The following CELF4 variants were observed in gnomAD, a reference collection of about 807,000 sequenced individuals.
The protein encoded by CELF4 is CUGBP Elav-like family member 4, also known as CUG-BP- and ETR-3-like factor 4.
CELF4 carries 18 observed loss-of-function variants against 59.9 expected under a neutral mutation model. The ratio of observed to expected loss-of-function variants is 0.30; its 90% CI spans 0.21 to 0.45. The LOEUF (loss-of-function observed/expected upper bound fraction) is 0.45, where lower values mean the gene tolerates loss of function less well. Among genes scored for constraint, CELF4 ranks in the 20% least tolerant of loss-of-function variants. The pLI is 1.00. For missense variants in CELF4, 456 were observed against 689.0 expected (o/e 0.66, Z 3.79); for synonymous variants, 261 against 267.1 (o/e 0.98, Z 0.22).
intron 1 of CELF4, among the ~76,000 whole-genome samples, chr18:37,542,725 T>C (rs2099978695): frequency 6.6e-6 from 1 of 152,232 alleles, no homozygotes; most frequent in Non-Finnish European, 1.5e-5. Flanking sequence ...ATTATGATTA[T>C]GATTATTATC....
chr18:37,376,584 G>A (rs1188419121), intron 2 of CELF4, among the ~76,000 whole-genome samples: 2 of 152,172 alleles, frequency 1.3e-5, no homozygotes, highest in Non-Finnish European at 2.9e-5. Flanking sequence ...CCCCAGGAAG[G>A]CCCCCCTCCA....
intron 1 of CELF4, among the ~76,000 whole-genome samples, chr18:37,542,726 GATT>G (rs1483764905): frequency 4.6e-5 from 7 of 152,228 alleles, no homozygotes; most frequent in South Asian, 2.1e-4. Context: ...TTATGATTAT[GATT>G]ATTATCATTA....
chr18:37,559,334 C>T (rs1356697175), intron 1 of CELF4, among the ~76,000 whole-genome samples: 1 of 152,098 alleles, frequency 6.6e-6, no homozygotes, highest in African/African-American at 2.4e-5. Context: ...ACTCCAACAC[C>T]CACACAGGCT....
intron 2 of CELF4, among the ~76,000 whole-genome samples, chr18:37,379,301 G>A (rs1047511328): frequency 6.6e-6 from 1 of 152,086 alleles, no homozygotes; most frequent in Non-Finnish European, 1.5e-5. Context: ...ATGCTATTGA[G>A]GTGCTAGTGT....
At chr18:37,286,775 A>G (rs2094823334) in intron 3 of CELF4, among the ~76,000 whole-genome samples, 1 of 152,038 alleles carries the variant, frequency 6.6e-6, no homozygotes, top group Non-Finnish European at 1.5e-5. Context: ...CCCACACCTG[A>G]ACACTGTGCC....
chr18:37,284,063 C>T (rs2094489326), intron 3 of CELF4, among the ~76,000 whole-genome samples: 1 of 129,184 alleles, frequency 7.7e-6, no homozygotes, highest in African/African-American at 3.0e-5. Context: ...ACACATACCC[C>T]AACACATACA....
chr18:37,458,985 C>T (rs1458422373), intron 2 of CELF4, among the ~76,000 whole-genome samples: 1 of 152,228 alleles, frequency 6.6e-6, no homozygotes, highest in Non-Finnish European at 1.5e-5. Context: ...ATCTGGAGAG[C>T]TTGGCTCTGC....
intron 2 of CELF4, among the ~76,000 whole-genome samples, chr18:37,370,408 G>C (rs1036946022): frequency 6.6e-6 from 1 of 152,112 alleles, no homozygotes; most frequent in Non-Finnish European, 1.5e-5. Flanking sequence ...GCAGGCTGGA[G>C]GTGCCCTGCA....
intron 1 of CELF4, among the ~76,000 whole-genome samples, chr18:37,560,640 A>T (rs1260629541): frequency 6.6e-6 from 1 of 152,180 alleles, no homozygotes; most frequent in East Asian, 1.9e-4. Context: ...TTCCCCCTGG[A>T]CAGAACTGAA....
At chr18:37,438,651 T>G (rs956864283) in intron 2 of CELF4, among the ~76,000 whole-genome samples, 1 of 152,154 alleles carries the variant, frequency 6.6e-6, no homozygotes, top group African/African-American at 2.4e-5. Context: ...AGGTACTGAA[T>G]CCAGCCAGAA....
intron 2 of CELF4, among the ~76,000 whole-genome samples, chr18:37,324,436 C>T (rs1048404091): frequency 9.9e-5 from 15 of 152,190 alleles, no homozygotes; most frequent in Admixed American, 3.9e-4. Context: ...GAGAAGGCCG[C>T]CATCTTCAAG....
chr18:37,371,929 T>C (rs184031925), intron 2 of CELF4, among the ~76,000 whole-genome samples: 1 of 152,318 alleles, frequency 6.6e-6, no homozygotes, highest in East Asian at 1.9e-4. Flanking sequence ...CTTCTTAATG[T>C]GTGCATGGTT....
chr18:37,535,623 C>T (rs2099972876), intron 1 of CELF4, among the ~76,000 whole-genome samples: 1 of 152,144 alleles, frequency 6.6e-6, no homozygotes, highest in Non-Finnish European at 1.5e-5. Flanking sequence ...ACGTGTATTA[C>T]TTAAGAGCGT....
chr18:37,257,861 C>T (rs770149206), intron 11 of CELF4, among the ~76,000 whole-genome samples: 4 of 151,906 alleles, frequency 2.6e-5, no homozygotes, highest in Admixed American at 6.6e-5. Context: ...CCAGAAGGAA[C>T]GGATGAAGGA....
intron 2 of CELF4, among the ~76,000 whole-genome samples, chr18:37,342,211 T>C (rs1028289139): frequency 1.4e-5 from 2 of 147,418 alleles, no homozygotes; most frequent in African/African-American, 5.1e-5. Context: ...GGAATTCAGA[T>C]TGGGGAAAGA....
chr18:37,416,310 C>T (rs2099528162), intron 2 of CELF4, among the ~76,000 whole-genome samples: 1 of 152,142 alleles, frequency 6.6e-6, no homozygotes, highest in African/African-American at 2.4e-5. Flanking sequence ...GCCTGTAATC[C>T]TCCCTTCTTT....
intron 2 of CELF4, among the ~76,000 whole-genome samples, chr18:37,475,310 A>G (rs1712342684): frequency 6.6e-6 from 1 of 152,186 alleles, no homozygotes; most frequent in Non-Finnish European, 1.5e-5. Context: ...GTGCCCACGA[A>G]TCTCCTAGGG....
chr18:37,562,849 T>C (rs2099986972), intron 1 of CELF4, among the ~76,000 whole-genome samples: 1 of 152,062 alleles, frequency 6.6e-6, no homozygotes, highest in Non-Finnish European at 1.5e-5. Context: ...CCAACCTCGA[T>C]TATAAAAATC....
intron 2 of CELF4, among the ~76,000 whole-genome samples, chr18:37,333,473 G>A (rs1369586053): frequency 1.3e-5 from 2 of 151,656 alleles, no homozygotes; most frequent in Admixed American, 1.3e-4. Context: ...CCTAACATTT[G>A]ACTTTTCCCT....
Sources: gnomAD v4.1 joint callset for allele counts (sites outside exome capture counted in the v4.1 genomes callset) on GRCh38, gnomAD v4.1.1 for gene constraint, MANE v1.5 for transcripts, NCBI Gene and HGNC (gene_info 2026-07-23, HGNC 2026-07-21) for gene names.